The following GSN variants were observed in gnomAD, a reference collection of about 807,000 sequenced individuals.
GSN encodes the protein actin-depolymerizing factor.
GSN carries 56 observed loss-of-function variants against 85.7 expected under a neutral mutation model. The ratio of observed to expected loss-of-function variants is 0.65; its 90% CI spans 0.53 to 0.82. GSN has a LOEUF of 0.82. Among genes scored for constraint, GSN ranks in the 40% least tolerant of loss-of-function variants. The pLI, the probability that GSN is intolerant of heterozygous loss-of-function variation, is 0.00. For synonymous variants in GSN, 373 were observed against 399.1 expected, an observed-to-expected ratio of 0.93 and a Z score of 0.78; for missense variants, 857 against 979.8, an observed-to-expected ratio of 0.87 and a Z score of 1.67.
At chr9:121,226,024 C>T (rs770898423) in intron 4 of GSN, among the ~76,000 whole-genome samples, 2 of 152,142 alleles carry the variant, frequency 1.3e-5, no homozygotes, top group African/African-American at 2.4e-5. Flanking sequence ...AGGCTGGTCT[C>T]GAACTCCTGA....
At chr9:121,215,599 CAGA>C (rs1346897267) in intron 4 of GSN, among the ~76,000 whole-genome samples, 1 of 151,626 alleles carries the variant, frequency 6.6e-6, no homozygotes, top group Non-Finnish European at 1.5e-5. Context: ...GAGGCTGAGG[CAGA>C]AGAATTGCTT....
At chr9:121,327,528 T>G (rs1199905416) in intron 14 of GSN, 46 bp downstream of exon 14, 2 of 1,472,846 alleles carry the variant, frequency 1.4e-6, no homozygotes, top group Non-Finnish European at 1.8e-6. Flanking sequence ...ATGCAGCTAT[T>G]AAGTTTCCCC....
At position 121,329,262 on chromosome 9, in the gene GSN, A is replaced by G; in HGVS notation, c.1912A>G (p.Met638Val). Residue 638 changes from methionine (M) to valine (V), a missense_variant, in exon 16 of 18, where the codon ATG becomes GTG. Physicochemically the swap from Met to Val is conservative, Grantham distance 21. Coordinates refer to ENST00000432226, the MANE Select transcript of GSN (RefSeq NM_198252.3). The surrounding 1 kb of genome is among the most constrained non-coding windows in gnomAD (Gnocchi z 4.6). ...GATCGAAGAGGTTCCTGGTGAGCTC[A>G]TGCAGGAAGACCTGGCAACGGATGA... is the stretch of plus-strand genomic sequence containing the variant. Reference protein sequence around the residue: ...FVIEEVPGELMQEDLATDDVM... With the variant: ...FVIEEVPGELVQEDLATDDVM... The G allele has an allele frequency of 1.2e-6, 2 of 1,609,116 alleles. No individual in the cohort carries two copies. The highest frequency in any genetic ancestry group is 1.7e-6 in the Non-Finnish European group (2 of 1,175,438).
chr9:121,322,996 C>T (rs560291439), intron 11 of GSN, among the ~76,000 whole-genome samples: 9 of 152,008 alleles, frequency 5.9e-5, no homozygotes, highest in South Asian at 4.2e-4. Flanking sequence ...CCACCACACC[C>T]GGCTACTTTT....
chr9:121,303,545 A>G (rs1463401224), intron 4 of GSN, among the ~76,000 whole-genome samples: 1 of 152,204 alleles, frequency 6.6e-6, no homozygotes. Context: ...CAGAGTCTGG[A>G]TCAAGACAGA....
chr9:121,319,117 GC>G (rs547620537), intron 10 of GSN, among the ~76,000 whole-genome samples: 19 of 152,368 alleles, frequency 1.2e-4, no homozygotes, highest in African/African-American at 3.8e-4. Flanking sequence ...GTTGACCATA[GC>G]CACAGACCTG....
At position 121,332,640 on chromosome 9, in the gene GSN, C is replaced by T; in HGVS notation, c.*37C>T. 1 of 1,560,984 alleles carries T rather than the reference C, an allele frequency of 6.4e-7. No homozygotes were observed. Among genetic ancestry groups the T allele is most frequent in the Non-Finnish European group, 8.8e-7 (1 of 1,138,352 alleles). ...GCCCACCCATGTCACCGGTCAGTGCCTTTTGGAACTGTCCTTCCCTCAAAG... is the reference window on the plus strand; with the variant it reads ...GCCCACCCATGTCACCGGTCAGTGCTTTTTGGAACTGTCCTTCCCTCAAAG... On this transcript the variant is annotated 3_prime_UTR_variant, in exon 18 of 18. Transcript: ENST00000432226. This position sits in a 1 kb window ranked among gnomAD's most constrained non-coding sequence, Gnocchi z 4.8.
intron 11 of GSN, among the ~76,000 whole-genome samples, chr9:121,323,371 GTT>G (rs59056849): frequency 1.7e-5 from 2 of 117,726 alleles, no homozygotes; most frequent in Admixed American, 9.4e-5. Flanking sequence ...TCCCATTACC[GTT>G]TTTTTTTTTT....
Position 121,220,656 on chromosome 9 carries a change from A to G in GSN, c.-528+9789A>G, listed in dbSNP as rs539902698. Among the ~76,000 whole-genome samples, 241 of 152,336 alleles carry G rather than the reference A, an allele frequency of 1.6e-3. 3 individuals carry two copies. Among genetic ancestry groups the G allele is most frequent in the African/African-American group, 5.3e-3 (219 of 41,582 alleles). On this transcript the variant is annotated intron_variant, in intron 4 of 24. Coordinates refer to the GSN transcript ENST00000373823. Reference sequence around the variant, plus strand: ...AACACATTAGGTAACTAAACCACCTAGTGAGATAGTTATTCTATTTTCAAT... The same window carrying G: ...AACACATTAGGTAACTAAACCACCTGGTGAGATAGTTATTCTATTTTCAAT...
intron 4 of GSN, among the ~76,000 whole-genome samples, chr9:121,219,446 T>C (rs2054126937): frequency 6.6e-6 from 1 of 152,088 alleles, no homozygotes; most frequent in Non-Finnish European, 1.5e-5. Flanking sequence ...GAGACAGGAA[T>C]GATACAGCGT....
chr9:121,267,217 G>A (rs1490212613), upstream of GSN, among the ~76,000 whole-genome samples: 1 of 152,194 alleles, frequency 6.6e-6, no homozygotes, highest in Non-Finnish European at 1.5e-5. Flanking sequence ...CTGGGAGGCC[G>A]TCTTATGCCT....
chr9:121,295,843 G>A (rs2059165546), intron 2 of GSN, among the ~76,000 whole-genome samples: 1 of 152,264 alleles, frequency 6.6e-6, no homozygotes, highest in South Asian at 2.1e-4. Flanking sequence ...GTGCACAGAA[G>A]CAGAGACCAG....
intron 2 of GSN, among the ~76,000 whole-genome samples, chr9:121,292,467 G>A (rs1377315709): frequency 1.3e-5 from 2 of 152,210 alleles, no homozygotes; most frequent in Non-Finnish European, 1.5e-5. Flanking sequence ...TGAGCTGTAT[G>A]TGTGTATAGG....
chr9:121,299,543 G>C lies in GSN; in HGVS notation c.-9-2420G>C. 39 of 864,920 alleles carry C rather than the reference G, an allele frequency of 4.5e-5. No homozygotes were observed. The highest frequency in any genetic ancestry group is 5.3e-5 in the Non-Finnish European group (38 of 719,724). The allele number at this position is 864,920 out of a possible 1,614,324, so 53.6% of individuals were successfully genotyped here. A position where few individuals can be genotyped will look rare whatever the true frequency, so the allele number is the denominator to read the frequency against. On this transcript the variant is annotated intron_variant, in intron 2 of 17. Coordinates refer to ENST00000432226, the MANE Select transcript of GSN (RefSeq NM_198252.3). The surrounding 1 kb of genome is among the most constrained non-coding windows in gnomAD (Gnocchi z 4.2). ...GTGTTAGGTGCGGAGAGGCGAGGGG[G>C]CTCGCGTGCGTCGCAGGAGGCTCAG...
rs2062923986 is a variant in GSN, at chr9:121,324,640, T to G, written c.1412T>G (p.Val471Gly). 3 of 1,513,402 alleles carry G rather than the reference T, an allele frequency of 2.0e-6. No homozygotes were observed. Among genetic ancestry groups the G allele is most frequent in the Admixed American group, 2.0e-5 (1 of 50,952 alleles). 93.7% of individuals were successfully genotyped at this position (1,513,402 alleles called of 1,614,324 possible). Residue 471 changes from valine to glycine, a missense_variant, in exon 12 of 18, where the codon GTC becomes GGC. Val to Gly is a moderately radical substitution (Grantham distance 109). Coordinates refer to ENST00000432226, the MANE Select transcript of GSN (RefSeq NM_198252.3). Reference sequence around the variant, plus strand: ...GATGAGGAGCTGGGAGGTACCCCTGTCCAGGTGAGCCCAGCCCACCGCCTC... The same window carrying G: ...GATGAGGAGCTGGGAGGTACCCCTGGCCAGGTGAGCCCAGCCCACCGCCTC... ...QLDEELGGTPVQSRVVQGKEP... is the reference protein window; with the variant it reads ...QLDEELGGTPGQSRVVQGKEP...
rs371991049 is a variant in GSN at position 121,229,520 on chromosome 9, C to T, written c.-527-1645C>T. Among the ~76,000 whole-genome samples, 120 of 152,270 alleles carry T rather than the reference C, an allele frequency of 7.9e-4. 1 individual carries two copies. Among genetic ancestry groups the T allele is most frequent in the African/African-American group, 2.8e-3 (115 of 41,566 alleles). ...CAGACTGAGCCACCACGCCCGGCCTCATAATGAAATTTTGAGAAATCCAAG... is the reference window on the plus strand; with the variant it reads ...CAGACTGAGCCACCACGCCCGGCCTTATAATGAAATTTTGAGAAATCCAAG... On this transcript the variant is annotated intron_variant, in intron 4 of 24. Coordinates refer to the GSN transcript ENST00000373823.
intron 16 of GSN, among the ~76,000 whole-genome samples, chr9:121,330,534 C>T (rs941177231): frequency 6.6e-6 from 1 of 152,144 alleles, no homozygotes; most frequent in Non-Finnish European, 1.5e-5. Context: ...GAGATCATGC[C>T]ACTGCACTCC....
Position 121,326,600 on chromosome 9 carries a change from G to T in GSN, c.1505G>T (p.Arg502Leu), listed in dbSNP as rs771287868. The change falls in exon 13 of 18, where the codon CGC becomes CTC. Residue 502 changes from arginine to leucine, a missense_variant. Transcript: ENST00000432226. Reference sequence around the variant, plus strand: ...ATCATCTACAAGGGCGGCACCTCCCGCGAGGGCGGGCAGACAGCCCCTGCC... The same window carrying T: ...ATCATCTACAAGGGCGGCACCTCCCTCGAGGGCGGGCAGACAGCCCCTGCC... ...PMIIYKGGTS[R>L]EGGQTAPAST... 5 of 1,609,970 alleles carry T rather than the reference G, an allele frequency of 3.1e-6. No individual in the cohort carries two copies. The highest frequency in any genetic ancestry group is 3.4e-5 in the Admixed American group (2 of 59,632).
chr9:121,239,364 G>A, intron 5 of GSN: 1 of 450,980 alleles, frequency 2.2e-6, no homozygotes, highest in Non-Finnish European at 4.3e-6. Context: ...AAAACAGGCA[G>A]ATGTTGTCCA....
Sources: allele counts gnomAD v4.1 joint callset (sites outside exome capture counted in the v4.1 genomes callset), GRCh38; gene constraint gnomAD v4.1.1; non-coding constraint Gnocchi (gnomAD v3.1); transcripts MANE v1.5; gene names NCBI Gene and HGNC (gene_info 2026-07-23, HGNC 2026-07-21).